Variants in ZNF493 observed in about 807,000 individuals in gnomAD.
ZNF493 encodes the protein zinc finger protein 493.
A neutral mutation model predicts 12.2 loss-of-function variants in ZNF493; 11 were observed. The observed-to-expected ratio is 0.90, with a 90% CI of 0.57 to 1.50. ZNF493 has a LOEUF of 1.50. ZNF493 is among the 40% of genes most tolerant of loss of function. The pLI is 0.00. For synonymous variants in ZNF493, 286 were observed against 302.6 expected, an observed-to-expected ratio of 0.95 and a Z score of 0.57; for missense variants, 950 against 906.6, an observed-to-expected ratio of 1.05 and a Z score of -0.61.
chr19:21,412,415 C>T (rs941923110), intron 3 of ZNF493: 4 of 152,520 alleles, frequency 2.6e-5, no homozygotes, highest in African/African-American at 9.6e-5. Context: ...CGACAGCCTT[C>T]CAGCATGGGT....
intron 1 of ZNF493, among the ~76,000 whole-genome samples, chr19:21,400,792 A>T (rs1017323309): frequency 2.0e-5 from 3 of 152,306 alleles, no homozygotes; most frequent in South Asian, 2.1e-4. Context: ...TACATCAGGG[A>T]TGCTATGATT....
At chr19:21,399,727 C>T (rs545130875) in intron 1 of ZNF493, among the ~76,000 whole-genome samples, 69 of 151,956 alleles carry the variant, frequency 4.5e-4, no homozygotes, top group Middle Eastern at 3.4e-3. Context: ...TTTTTTATAG[C>T]TGGGTGATTT....
At chr19:21,404,590 T>C (rs1220667153) in intron 1 of ZNF493, among the ~76,000 whole-genome samples, 1 of 152,186 alleles carries the variant, frequency 6.6e-6, no homozygotes, top group African/African-American at 2.4e-5. Flanking sequence ...GGCAGAAAAA[T>C]TGAGTAAAAC....
intron 1 of ZNF493, chr19:21,398,442 C>G (rs1172851212): frequency 5.2e-6 from 1 of 190,842 alleles, no homozygotes; most frequent in Non-Finnish European, 1.1e-5. Context: ...GTTTTTGGGT[C>G]GAAGTTCTCC....
At chr19:21,420,048 C>T (rs1317361807) in intron 3 of ZNF493, among the ~76,000 whole-genome samples, 1 of 152,142 alleles carries the variant, frequency 6.6e-6, no homozygotes, top group African/African-American at 2.4e-5. Flanking sequence ...CTAGAGTTTT[C>T]TGCCAAGAAT....
chr19:21,401,028 G>T lies in ZNF493; in HGVS notation c.30+3761G>T, dbSNP rs189972009. 1.8e-3 allele frequency among the ~76,000 whole-genome samples: 279 copies of T among 152,196 alleles called. 1 individual carries two copies. The highest frequency in any genetic ancestry group is 3.1e-3 in the Admixed American group (47 of 15,272). ...TTTTGAGAAAAAGCATTCTTTTCTT[G>T]TGCCAGTTTTCATGAAGGAATGCTT... On this transcript the variant is annotated intron_variant, in intron 1 of 3. Transcript: ENST00000392288.
intron 3 of ZNF493, among the ~76,000 whole-genome samples, chr19:21,417,978 G>A (rs917593092): frequency 2.6e-5 from 4 of 152,200 alleles, no homozygotes; most frequent in African/African-American, 9.7e-5. Context: ...AGGCTCAAAT[G>A]TAGCTATAAT....
intron 2 of ZNF493, 69 bp downstream of exon 2, chr19:21,405,324 A>G: frequency 1.3e-6 from 2 of 1,550,680 alleles, no homozygotes; most frequent in Non-Finnish European, 1.7e-6. Flanking sequence ...TTCATAGAAT[A>G]ATTTTTGGTA....
In ZNF493 at chr19:21,423,830, A is replaced by G; in HGVS notation, c.1171A>G (p.Thr391Ala). ...TGGCAAAGCCTTTAGTATTTTCTCA[A>G]CCCTTACTAAACATAAGATAATTCA... is the stretch of plus-strand genomic sequence containing the variant. ...ECGKAFSIFS[T>A]LTKHKIIHTE... Residue 391 changes from threonine (T) to alanine (A), a missense_variant, in exon 4 of 4, where the codon ACC becomes GCC. Coordinates refer to ENST00000392288, the MANE Select transcript of ZNF493 (RefSeq NM_001076678.3). 6.2e-7 allele frequency: 1 copy of G among 1,613,346 alleles called. No homozygotes were observed. Among genetic ancestry groups the G allele is most frequent in the Non-Finnish European group, 8.5e-7 (1 of 1,179,664 alleles).
chr19:21,403,711 C>G (rs1489764772), intron 1 of ZNF493, among the ~76,000 whole-genome samples: 1 of 152,214 alleles, frequency 6.6e-6, no homozygotes, highest in Non-Finnish European at 1.5e-5. Flanking sequence ...ACTCTGCCTC[C>G]TGGATTGCCA....
In ZNF493 at chr19:21,425,348, AC is replaced by A; in HGVS notation, c.*367del. ...GTAAGATAATTCATACTGGAAGGAA[AC>A]CCTACAAATATGAGGAATGTCTCAA... On this transcript the variant is annotated 3_prime_UTR_variant, in exon 4 of 4. Transcript: ENST00000392288. The A allele has an allele frequency of 2.4e-6, 1 of 418,768 alleles. No individual in the cohort carries two copies. Among genetic ancestry groups the A allele is most frequent in the Non-Finnish European group, 4.7e-6 (1 of 214,234 alleles). The allele number at this position is 418,768 out of a possible 1,614,324, so 25.9% of individuals were successfully genotyped here. A position where few individuals can be genotyped will look rare whatever the true frequency, so the allele number is the denominator to read the frequency against.
At chr19:21,413,149 A>C (rs2030378626) in intron 3 of ZNF493, 41 of 302,124 alleles carry the variant, frequency 1.4e-4, no homozygotes, top group East Asian at 6.0e-4. Context: ...TCTGCAATGC[A>C]ATCTTTCTAA....
chr19:21,401,050 G>T (rs941769817), intron 1 of ZNF493, among the ~76,000 whole-genome samples: 4 of 152,162 alleles, frequency 2.6e-5, no homozygotes, highest in Admixed American at 2.6e-4. Context: ...ATGAAGGAAT[G>T]CTTCCAGCTT....
rs988571281 is a variant in ZNF493, at chr19:21,408,282, C to T, written c.253+2426C>T. 122 of 590,198 alleles carry T rather than the reference C, an allele frequency of 2.1e-4. 1 individual carries two copies. Among genetic ancestry groups the T allele is most frequent in the African/African-American group, 1.8e-3 (90 of 49,438 alleles). The allele number at this position is 590,198 out of a possible 1,614,324, so 36.6% of individuals were successfully genotyped here. ...CTGGGATTACAGGTGCCCACCAGCA[C>T]GCCCAGCTAATTTTTTGTGTGTTTT... On this transcript the variant is annotated intron_variant, in intron 3 of 3. Transcript: ENST00000392288.
chr19:21,421,253 AT>A (rs1428993028), intron 3 of ZNF493, among the ~76,000 whole-genome samples: 4 of 150,700 alleles, frequency 2.7e-5, no homozygotes, highest in African/African-American at 9.8e-5. Context: ...TGTTTTAAAT[AT>A]TTTTGTTCTT....
intron 1 of ZNF493, chr19:21,397,504 C>T (rs995868820): frequency 9.8e-6 from 6 of 612,442 alleles, no homozygotes; most frequent in Non-Finnish European, 1.8e-5. Context: ...TGCCTGGAGT[C>T]CTCTCTGGCA....
At chr19:21,418,161 G>T (rs1466012768) in intron 3 of ZNF493, among the ~76,000 whole-genome samples, 2 of 152,166 alleles carry the variant, frequency 1.3e-5, no homozygotes, top group African/African-American at 2.4e-5. Flanking sequence ...CTCTGGAAAA[G>T]AAAGATCTGG....
At position 21,424,020 on chromosome 19, in the gene ZNF493, T is replaced by G; in HGVS notation, c.1361T>G (p.Ile454Ser). 1.2e-6 allele frequency: 2 copies of G among 1,613,470 alleles called. No individual in the cohort carries two copies. Among genetic ancestry groups the G allele is most frequent in the Non-Finnish European group, 1.7e-6 (2 of 1,179,788 alleles). Residue 454 changes from isoleucine to serine, a missense_variant, in exon 4 of 4, where the codon ATT becomes AGT. Physicochemically the swap from Ile to Ser is moderately radical, Grantham distance 142. Transcript: ENST00000392288. ...TCAATTCTTACTAAACATAAAATAATTCATACAGAAGAGAAACCCTACAAA... is the reference window on the plus strand; with the variant it reads ...TCAATTCTTACTAAACATAAAATAAGTCATACAGAAGAGAAACCCTACAAA... ...VFSILTKHKI[I>S]HTEEKPYKCE... is the part of the protein sequence containing the mutation.
chr19:21,409,996 G>T (rs190458080), intron 3 of ZNF493, among the ~76,000 whole-genome samples: 184 of 146,926 alleles, frequency 1.3e-3, no homozygotes, highest in African/African-American at 4.4e-3. Context: ...CATAATATTT[G>T]CAAAGTTTAT....
Sources: allele counts gnomAD v4.1 joint callset (sites outside exome capture counted in the v4.1 genomes callset), GRCh38; gene constraint gnomAD v4.1.1; transcripts MANE v1.5; gene names NCBI Gene and HGNC (gene_info 2026-07-23, HGNC 2026-07-21).